Variants in DMD observed in about 807,000 individuals in gnomAD.
DMD encodes the protein dystrophin.
A neutral mutation model predicts 330.1 loss-of-function variants in DMD; 63 were observed. The ratio of observed to expected loss-of-function variants is 0.19; its 90% CI spans 0.16 to 0.24. The LOEUF (loss-of-function observed/expected upper bound fraction) is 0.24. DMD is among the 10% of genes least tolerant of loss of function. DMD has a pLI of 1.00. For synonymous variants in DMD, 1,223 were observed against 959.8 expected (o/e 1.27, Z -5.07); for missense variants, 3,344 against 2,684.1 (o/e 1.25, Z -5.43).
At chrX:31,809,603 T>C (rs1206366675) in intron 50 of DMD, among the ~76,000 whole-genome samples, 1 of 111,071 alleles carries the variant, frequency 9.0e-6, no homozygotes, top group Non-Finnish European at 1.9e-5. Flanking sequence ...TAAAACATAT[T>C]TTCATAAAAA....
intron 1 of DMD, among the ~76,000 whole-genome samples, chrX:33,040,434 A>G (rs2094280937): frequency 9.0e-6 from 1 of 111,025 alleles, no homozygotes; most frequent in African/African-American, 3.3e-5. Flanking sequence ...AGGATTCTGC[A>G]CCAATAAAAA....
In DMD at chrX:32,157,698, A is replaced by G. The variant is rs1603627347; in HGVS notation, c.6438+59218T>C. Among the ~76,000 whole-genome samples the G allele has an allele frequency of 4.5e-5, 5 of 112,127 alleles. No homozygotes were observed. In the South Asian group the frequency reaches 1.8e-3, roughly 41 times the overall value. On this transcript the variant is annotated intron_variant, in intron 44 of 78. Coordinates refer to ENST00000357033, the MANE Select transcript of DMD (RefSeq NM_004006.3). Reference sequence around the variant, plus strand: ...GCAAGGGGAACTTTTATTTATAAATAATCGATACAATTTGTAAATAGAAAT... The same window carrying G: ...GCAAGGGGAACTTTTATTTATAAATGATCGATACAATTTGTAAATAGAAAT...
intron 1 of DMD, among the ~76,000 whole-genome samples, chrX:33,206,745 A>G (rs974578746): frequency 1.8e-5 from 2 of 111,740 alleles, no homozygotes; most frequent in African/African-American, 6.5e-5. Context: ...AATAGAAATT[A>G]TCCCTTAAAA....
At chrX:31,476,096 T>G (rs2067719221) in intron 59 of DMD, among the ~76,000 whole-genome samples, 1 of 108,879 alleles carries the variant, frequency 9.2e-6, no homozygotes, top group Non-Finnish European at 1.9e-5. Flanking sequence ...AATTTAAGTG[T>G]GACAATTTAG....
intron 1 of DMD, among the ~76,000 whole-genome samples, chrX:33,024,674 A>G (rs2093966948): frequency 9.0e-6 from 1 of 111,694 alleles, no homozygotes; most frequent in South Asian, 3.7e-4. Flanking sequence ...TTAGTCCCTC[A>G]GGAATATAAA....
chrX:32,551,634 C>G (rs889730535), intron 16 of DMD, among the ~76,000 whole-genome samples: 1 of 111,225 alleles, frequency 9.0e-6, no homozygotes, highest in African/African-American at 3.3e-5. Context: ...GAAATCCTAG[C>G]CAAAGCAATC....
At chrX:32,255,670 G>A (rs987588082) in intron 43 of DMD, among the ~76,000 whole-genome samples, 6 of 112,094 alleles carry the variant, frequency 5.4e-5, no homozygotes, top group Non-Finnish European at 9.4e-5. Flanking sequence ...CTACATATGA[G>A]AAAACAAGGA....
At chrX:32,463,032 T>C (rs1020208812) in intron 25 of DMD, among the ~76,000 whole-genome samples, 1 of 112,002 alleles carries the variant, frequency 8.9e-6, no homozygotes. Flanking sequence ...AAGTTATAAT[T>C]ATTTATCCTA....
intron 41 of DMD, among the ~76,000 whole-genome samples, chrX:32,330,445 G>A (rs1457783883): frequency 1.8e-5 from 2 of 111,861 alleles, no homozygotes; most frequent in Non-Finnish European, 3.8e-5. Context: ...CACAGATGGT[G>A]CAAGTGATTT....
At chrX:31,525,792 G>C (rs1222859460) in intron 55 of DMD, among the ~76,000 whole-genome samples, 1 of 112,499 alleles carries the variant, frequency 8.9e-6, no homozygotes, top group Admixed American at 9.4e-5. Context: ...TCAATCTGTT[G>C]TTACAGCAAA....
At position 31,778,244 on chromosome X, in the gene DMD, T is replaced by C. The variant is rs1441250674; in HGVS notation, c.7310-4052A>G. On this transcript the variant is annotated intron_variant, in intron 50 of 78. Transcript: ENST00000357033. Reference sequence around the variant, plus strand: ...TTAACGTTTTCTTACTTAAATCTAGTTATCACTAGGAAGGACAAAATCTTG... The same window carrying C: ...TTAACGTTTTCTTACTTAAATCTAGCTATCACTAGGAAGGACAAAATCTTG... Among the ~76,000 whole-genome samples the C allele has an allele frequency of 2.7e-5, 3 of 111,887 alleles. No homozygotes were observed. In the Admixed American group the frequency reaches 2.9e-4, roughly 11 times the overall value.
intron 60 of DMD, among the ~76,000 whole-genome samples, chrX:31,352,404 T>C (rs917945283): frequency 2.7e-5 from 3 of 111,196 alleles, no homozygotes; most frequent in Admixed American, 9.6e-5. Context: ...TCTTTGCACA[T>C]ACTGAGAAAG....
chrX:32,366,009 A>C (rs752164576), intron 34 of DMD, among the ~76,000 whole-genome samples: 2 of 112,233 alleles, frequency 1.8e-5, no homozygotes, highest in South Asian at 7.4e-4. Context: ...AAATAAAGAT[A>C]AAGTTTTCCC....
At chrX:33,248,820 A>G (rs1473078956) in intron 1 of DMD, among the ~76,000 whole-genome samples, 3 of 112,684 alleles carry the variant, frequency 2.7e-5, no homozygotes, top group Admixed American at 9.4e-5. Flanking sequence ...GAAACAACCC[A>G]GAAATGATTG....
chrX:31,773,587 T>G (rs1045092552), intron 51 of DMD, among the ~76,000 whole-genome samples: 7 of 111,620 alleles, frequency 6.3e-5, no homozygotes, highest in African/African-American at 2.3e-4. Flanking sequence ...TGCAATATGT[T>G]GGGCTGCGTA....
At position 32,411,834 on chromosome X, in the gene DMD, T is replaced by G; in HGVS notation, c.4151A>C (p.Glu1384Ala). ...ETEKSLHLIQ[E>A]SLTFIDKQLA... ...CTGCTTGTCAATGAATGTGAGGGAC[T>G]CCTGGATTAAGTGTAAGGATTTTTC... is the stretch of plus-strand genomic sequence containing the variant. Residue 1384 changes from glutamate (E) to alanine (A), a missense_variant, in exon 30 of 79, where the codon GAG (glutamate) becomes GCG (alanine). Glu to Ala is a moderately radical substitution (Grantham distance 107, BLOSUM62 -1). Coordinates refer to ENST00000357033, the MANE Select transcript of DMD (RefSeq NM_004006.3). 8.3e-7 allele frequency: 1 copy of G among 1,211,058 alleles called. No homozygotes were observed.
intron 1 of DMD, among the ~76,000 whole-genome samples, chrX:33,277,265 T>A (rs774340688): frequency 9.0e-6 from 1 of 110,895 alleles, no homozygotes; most frequent in Non-Finnish European, 1.9e-5. Flanking sequence ...AACAGCTGGG[T>A]GAGGGAGGAG....
At chrX:33,104,540 C>A (rs971925327) in intron 1 of DMD, among the ~76,000 whole-genome samples, 4 of 107,856 alleles carry the variant, frequency 3.7e-5, no homozygotes, top group Non-Finnish European at 7.7e-5. Flanking sequence ...TGCCAGAGAA[C>A]AACCCCCCTT....
rs188234648 is a variant in DMD, at chrX:32,717,488, A to G, written c.650-18195T>C. Among the ~76,000 whole-genome samples the G allele has an allele frequency of 8.9e-5, 10 of 112,025 alleles. No individual in the cohort carries two copies. The East Asian group carries it at 2.8e-3, about 32-fold the overall frequency. On this transcript the variant is annotated intron_variant, in intron 7 of 78. Coordinates refer to ENST00000357033, the MANE Select transcript of DMD (RefSeq NM_004006.3). ...TTGAGAGCATCCACCTAGATTTCAG[A>G]GAATGTGTGGAAACACCTGCATGTC...
Sources: allele counts gnomAD v4.1 joint callset (sites outside exome capture counted in the v4.1 genomes callset), GRCh38; gene constraint gnomAD v4.1.1; transcripts MANE v1.5; gene names NCBI Gene and HGNC (gene_info 2026-07-23, HGNC 2026-07-21).